Variants in TMC6 observed in about 807,000 individuals in gnomAD.
TMC6 encodes the protein transmembrane channel like 6.
TMC6 carries 71 observed loss-of-function variants against 95.4 expected under a neutral mutation model. The observed-to-expected ratio is 0.74, with a 90% CI of 0.61 to 0.91. TMC6 has a LOEUF of 0.91. Among genes scored for constraint, TMC6 ranks in the 40% least tolerant of loss-of-function variants. The pLI is 0.00. For synonymous variants in TMC6, 514 were observed against 483.1 expected (o/e 1.06, Z -0.84); for missense variants, 1,074 against 1,079.1 (o/e 1.00, Z 0.07).
chr17:78,131,413 A>C (rs2074960816), upstream of TMC6: 4 of 838,476 alleles, frequency 4.8e-6, no homozygotes, highest in Admixed American at 7.7e-5. Flanking sequence ...CGGGCAAGTG[A>C]ACCCTAGGGC....
chr17:78,113,241 C>A, intron 19 of TMC6, 30 bp from the exon 20 acceptor site: 1 of 1,545,714 alleles, frequency 6.5e-7, no homozygotes, highest in East Asian at 2.4e-5. Flanking sequence ...CTGAGGGGAC[C>A]CCATAAACAT....
At chr17:78,126,748 C>A (rs1043127954) in intron 2 of TMC6, 29 bp downstream of exon 2, 3 of 1,612,338 alleles carry the variant, frequency 1.9e-6, no homozygotes, top group Non-Finnish European at 2.5e-6. Context: ...AACATTCCAG[C>A]CTCCAGCCCC....
rs956825819 is a variant in TMC6 at position 78,125,053 on chromosome 17, G to C, written c.537-68C>G. 3.2e-6 allele frequency: 5 copies of C among 1,540,646 alleles called. No homozygotes were observed. The East Asian group carries it at 9.7e-5, about 30-fold the overall frequency. ...CCTGACTCTCTCCTTCCTGGAGACC[G>C]GCCACCCACGGGCTCAGCCCCTTCT... On this transcript the variant is annotated intron_variant, in intron 6 of 19. Transcript: ENST00000590602.
In TMC6 at chr17:78,112,422, C is replaced by T; in HGVS notation, c.*726G>A. On this transcript the variant is annotated 3_prime_UTR_variant, in exon 20 of 20. Coordinates refer to ENST00000590602, the MANE Select transcript of TMC6 (RefSeq NM_001127198.5). Reference sequence around the variant, plus strand: ...TATCCCACGGGCTCCTCAAACTCAGCCCAGTCAGACCCAGGATCACCACCC... The same window carrying T: ...TATCCCACGGGCTCCTCAAACTCAGTCCAGTCAGACCCAGGATCACCACCC... The T allele has an allele frequency of 6.0e-6, 1 of 166,554 alleles. No individual in the cohort carries two copies. The highest frequency in any genetic ancestry group is 1.3e-5 in the Non-Finnish European group (1 of 75,940). 10.3% of individuals were successfully genotyped at this position (166,554 alleles called of 1,614,324 possible).
chr17:78,126,747 G>T, intron 2 of TMC6, 30 bp downstream of exon 2: 1 of 1,612,128 alleles, frequency 6.2e-7, no homozygotes, highest in Non-Finnish European at 8.5e-7. Context: ...GAACATTCCA[G>T]CCTCCAGCCC....
intron 13 of TMC6, chr17:78,120,317 G>A (rs1163294991): frequency 2.0e-5 from 8 of 405,244 alleles, no homozygotes; most frequent in African/African-American, 6.2e-5. Flanking sequence ...GCGCCACCAC[G>A]CCCTGCTAAT....
upstream of TMC6, chr17:78,131,520 A>C (rs2074964173): frequency 6.5e-7 from 1 of 1,532,248 alleles, no homozygotes. Flanking sequence ...CTTAAGGCTC[A>C]TCCAACCGGG....
intron 18 of TMC6, among the ~76,000 whole-genome samples, chr17:78,116,253 A>G (rs1485684205): frequency 4.1e-5 from 6 of 146,554 alleles, no homozygotes; most frequent in Admixed American, 4.1e-4. Flanking sequence ...CTGGGATTAG[A>G]GGCCTGAGCC....
At chr17:78,116,491 T>C (rs757945949) in intron 18 of TMC6, among the ~76,000 whole-genome samples, 1 of 151,456 alleles carries the variant, frequency 6.6e-6, no homozygotes, top group Non-Finnish European at 1.5e-5. Context: ...CAGGCTGGTC[T>C]CGAACTCCTG....
At chr17:78,120,947 C>A (rs1218234584) in intron 12 of TMC6, 66 bp downstream of exon 12, 1 of 1,612,410 alleles carries the variant, frequency 6.2e-7, no homozygotes, top group Non-Finnish European at 8.5e-7. Flanking sequence ...GGTTTGGATA[C>A]ACCCGGAGCT....
intron 15 of TMC6, among the ~76,000 whole-genome samples, chr17:78,118,472 C>T (rs2074245086): frequency 1.3e-5 from 2 of 152,236 alleles, no homozygotes; most frequent in Middle Eastern, 3.4e-3. Context: ...AGGAGAATGG[C>T]GTGAACCTGG....
chr17:78,118,937 C>T (rs181766351), intron 15 of TMC6, 34 bp downstream of exon 15: 1 of 1,569,514 alleles, frequency 6.4e-7, no homozygotes, highest in South Asian at 1.2e-5. Flanking sequence ...GCCACCCTGC[C>T]AGCCCAGCCC....
In TMC6 at chr17:78,117,282, T is replaced by A; in HGVS notation, c.2264A>T (p.Glu755Val). ...GQRKVICLLK[E>V]QISNEGEDKI... is the part of the protein sequence containing the mutation. The stretch of plus-strand genomic sequence containing the variant: ...AGGGGCACTCACATTGCTGATCTGC[T>A]CCTTGAGCAGGCAGATGACCTTGCG... Residue 755 changes from glutamate to valine, a missense_variant, in exon 18 of 20, where the codon GAG becomes GTG. Coordinates refer to ENST00000590602, the MANE Select transcript of TMC6 (RefSeq NM_001127198.5). 1.2e-6 allele frequency: 2 copies of A among 1,613,396 alleles called. No individual in the cohort carries two copies. Among genetic ancestry groups the A allele is most frequent in the Non-Finnish European group, 1.7e-6 (2 of 1,179,956 alleles).
intron 9 of TMC6, chr17:78,123,059 C>T (rs1028012131): frequency 4.1e-6 from 2 of 489,398 alleles, no homozygotes; most frequent in East Asian, 7.7e-5. Context: ...GGCCTTTGCA[C>T]TGCTGGTCCC....
rs756974547 is a variant in TMC6, at chr17:78,128,035, C to T, written c.-75+577G>A. Among the ~76,000 whole-genome samples the T allele has an allele frequency of 2.6e-5, 4 of 152,232 alleles. No individual in the cohort carries two copies. Among genetic ancestry groups the T allele is most frequent in the Non-Finnish European group, 5.9e-5 (4 of 68,030 alleles). ...CTGGAATCCCTTCCTCCAGACAGGC[C>T]CTTCTAAGCTCAGGGAACCCGGGGA... On this transcript the variant is annotated intron_variant, in intron 1 of 19. Transcript: ENST00000590602. The surrounding 1 kb of genome is among the most constrained non-coding windows in gnomAD (Gnocchi z 4.0).
In TMC6 at chr17:78,125,969, C is replaced by T. The variant is rs551809660; in HGVS notation, c.272-85G>A. The T allele has an allele frequency of 2.0e-6, 3 of 1,523,318 alleles. No homozygotes were observed. The Admixed American group carries it at 5.9e-5, about 30-fold the overall frequency. 94.4% of individuals were successfully genotyped at this position (1,523,318 alleles called of 1,614,324 possible). A position where few individuals can be genotyped will look rare whatever the true frequency, so the allele number is the denominator to read the frequency against. On this transcript the variant is annotated intron_variant, in intron 4 of 19. Transcript: ENST00000590602. ...TGGGCTCACCACAGGCCTCTGCGTC[C>T]CTCACCCCTTCCCAGGACCCAGGAA... is the stretch of plus-strand genomic sequence containing the variant.
At chr17:78,125,110 G>A in intron 6 of TMC6, 48 bp downstream of exon 6, 1 of 1,547,056 alleles carries the variant, frequency 6.5e-7, no homozygotes, top group Non-Finnish European at 8.7e-7. Context: ...GAGGAAGTGG[G>A]TCTGGGGGCG....
intron 4 of TMC6, 127 bp from the exon 5 acceptor site, chr17:78,126,011 A>T: frequency 2.2e-6 from 3 of 1,350,596 alleles, no homozygotes; most frequent in African/African-American, 2.9e-5. Context: ...TTCAACAAAG[A>T]CTTCAGGCAC....
upstream of TMC6, chr17:78,132,213 A>G (rs1260695252): frequency 1.4e-5 from 19 of 1,371,638 alleles, no homozygotes; most frequent in Non-Finnish European, 1.7e-5. Flanking sequence ...CAGCACCCCC[A>G]GGTGACTGTC....
Sources: allele counts gnomAD v4.1 joint callset (sites outside exome capture counted in the v4.1 genomes callset), GRCh38; gene constraint gnomAD v4.1.1; non-coding constraint Gnocchi (gnomAD v3.1); transcripts MANE v1.5; gene names NCBI Gene and HGNC (gene_info 2026-07-23, HGNC 2026-07-21).